Variants in SPATS2L observed in about 807,000 individuals in gnomAD.
SPATS2L encodes the protein spermatogenesis associated serine rich 2 like.
Under a neutral mutation model 59.6 loss-of-function variants are expected in SPATS2L, and 30 were observed. The observed-to-expected ratio is 0.50, with a 90% confidence interval of 0.38 to 0.68. SPATS2L has a LOEUF of 0.68. Among genes scored for constraint, SPATS2L ranks in the 30% least tolerant of loss-of-function variants. The probability of loss-of-function intolerance (pLI) is 0.00; values close to 1 mark genes in which losing one functional copy is unlikely to be tolerated. For missense variants in SPATS2L, 615 were observed against 700.0 expected, an observed-to-expected ratio of 0.88 and a Z score of 1.37; for synonymous variants, 252 against 263.5, an observed-to-expected ratio of 0.96 and a Z score of 0.42.
intron 6 of SPATS2L, among the ~76,000 whole-genome samples, chr2:200,420,141 C>T (rs917312133): frequency 1.3e-5 from 2 of 151,978 alleles, no homozygotes; most frequent in African/African-American, 4.8e-5. Context: ...TTCAAAAGGC[C>T]ACTTCCTAAT....
intron 2 of SPATS2L, among the ~76,000 whole-genome samples, chr2:200,344,493 C>G (rs1023903315): frequency 6.6e-6 from 1 of 152,092 alleles, no homozygotes; most frequent in Admixed American, 6.5e-5. Context: ...TAGGTTGATT[C>G]CATGTCTTTG....
intron 6 of SPATS2L, among the ~76,000 whole-genome samples, chr2:200,430,038 T>C (rs951468966): frequency 6.6e-6 from 1 of 152,198 alleles, no homozygotes; most frequent in Admixed American, 6.5e-5. Context: ...CAGTTACAGA[T>C]TTCAGAACAC....
rs561327157 is a variant in SPATS2L at position 200,463,003 on chromosome 2, C to T, written c.847+3176C>T. 9.9e-4 allele frequency among the ~76,000 whole-genome samples: 150 copies of T among 152,050 alleles called. 1 individual carries two copies. Among genetic ancestry groups the T allele is most frequent in the African/African-American group, 3.5e-3 (144 of 41,494 alleles). ...TGTAAAGATAAAATGAAAAAATACA[C>T]GTCAGGCACTTAGCACAGAGCCTGA... is the stretch of plus-strand genomic sequence containing the variant. On this transcript the variant is annotated intron_variant, in intron 9 of 12. Coordinates refer to ENST00000409140, the MANE Select transcript of SPATS2L (RefSeq NM_001100423.2).
chr2:200,457,221 CAT>C (rs1225086750), intron 8 of SPATS2L, among the ~76,000 whole-genome samples: 4 of 41,126 alleles, frequency 9.7e-5, no homozygotes, highest in African/African-American at 3.2e-4. Context: ...TGAAAACATA[CAT>C]ACACACACAC....
At chr2:200,398,711 T>C (rs1228433011) in intron 3 of SPATS2L, among the ~76,000 whole-genome samples, 2 of 152,164 alleles carry the variant, frequency 1.3e-5, no homozygotes, top group Non-Finnish European at 2.9e-5. Context: ...GCTCTATCAT[T>C]GGATGAACCT....
Position 200,306,850 on chromosome 2 carries a change from C to T in SPATS2L, c.-145C>T. On this transcript the variant is annotated 5_prime_UTR_variant, in exon 1 of 13. Coordinates refer to ENST00000409140, the MANE Select transcript of SPATS2L (RefSeq NM_001100423.2). ...GCCGCAGGGGCCGCCACCGCCGCGG[C>T]GCCTCCCCTGGCGACCGCGCCCCCG... 1.0e-6 allele frequency: 1 copy of T among 980,890 alleles called. No individual in the cohort carries two copies. Among genetic ancestry groups the T allele is most frequent in the Non-Finnish European group, 1.2e-6 (1 of 828,124 alleles). 60.8% of individuals were successfully genotyped at this position (980,890 alleles called of 1,614,324 possible). A position where few individuals can be genotyped will look rare whatever the true frequency, so the allele number is the denominator to read the frequency against.
chr2:200,422,158 T>G (rs758707289), intron 6 of SPATS2L, among the ~76,000 whole-genome samples: 6 of 152,234 alleles, frequency 3.9e-5, no homozygotes, highest in Non-Finnish European at 8.8e-5. Context: ...TTTTTAAGTA[T>G]AGCATGAAGG....
At chr2:200,312,767 AT>A (rs1415574259) in intron 1 of SPATS2L, among the ~76,000 whole-genome samples, 3 of 152,198 alleles carry the variant, frequency 2.0e-5, no homozygotes, top group Non-Finnish European at 4.4e-5. Context: ...GGATGCAAAC[AT>A]TAGGTGGCCA....
In SPATS2L at chr2:200,480,097, G is replaced by A. The variant is rs763538598; in HGVS notation, c.*2066G>A. 26 of 193,622 alleles carry A rather than the reference G, an allele frequency of 1.3e-4. No individual in the cohort carries two copies. The highest frequency in any genetic ancestry group is 2.2e-4 in the Non-Finnish European group (21 of 95,596). The allele number at this position is 193,622 out of a possible 1,614,324, so 12.0% of individuals were successfully genotyped here. A position where few individuals can be genotyped will look rare whatever the true frequency, so the allele number is the denominator to read the frequency against. ...GAAAAATGTCAGTGTAAATGTGACC[G>A]CTTTAAAGATGAGTCAAGTAATTCT... On this transcript the variant is annotated 3_prime_UTR_variant, in exon 13 of 13. Coordinates refer to ENST00000409140, the MANE Select transcript of SPATS2L (RefSeq NM_001100423.2).
At chr2:200,422,087 C>T (rs2083328736) in intron 6 of SPATS2L, among the ~76,000 whole-genome samples, 1 of 152,236 alleles carries the variant, frequency 6.6e-6, no homozygotes. Context: ...TTTGGAAACC[C>T]TCACATGAAA....
intron 6 of SPATS2L, among the ~76,000 whole-genome samples, chr2:200,422,018 C>T (rs533085730): frequency 6.6e-6 from 1 of 152,264 alleles, no homozygotes; most frequent in African/African-American, 2.4e-5. Context: ...GCCTCCCTTC[C>T]CAGTGGACAG....
At chr2:200,424,538 G>T (rs2083450115) in intron 6 of SPATS2L, among the ~76,000 whole-genome samples, 1 of 152,028 alleles carries the variant, frequency 6.6e-6, no homozygotes, top group African/African-American at 2.4e-5. Flanking sequence ...TAGTGCCAAG[G>T]ATAATACTTT....
chr2:200,478,178 T>C lies in SPATS2L; in HGVS notation c.*147T>C, dbSNP rs2087683793. ...TCTTAATCATTTTTACTAATTCTAA[T>C]AATCAGCTCTAGCTTGCTTCATAAT... On this transcript the variant is annotated 3_prime_UTR_variant, in exon 13 of 13. Coordinates refer to ENST00000409140, the MANE Select transcript of SPATS2L (RefSeq NM_001100423.2). The C allele has an allele frequency of 6.7e-6, 5 of 742,062 alleles. No individual in the cohort carries two copies. Among genetic ancestry groups the C allele is most frequent in the African/African-American group, 1.8e-5 (1 of 55,370 alleles). 46.0% of individuals were successfully genotyped at this position (742,062 alleles called of 1,614,324 possible). A position where few individuals can be genotyped will look rare whatever the true frequency, so the allele number is the denominator to read the frequency against.
At chr2:200,383,759 A>G (rs1482476039) in intron 2 of SPATS2L, 2 of 368,868 alleles carry the variant, frequency 5.4e-6, no homozygotes, top group Non-Finnish European at 7.7e-6. Flanking sequence ...TATGATTTCT[A>G]TGTTTTTACA....
intron 7 of SPATS2L, 46 bp downstream of exon 7, chr2:200,439,374 T>C: frequency 6.6e-7 from 1 of 1,503,852 alleles, no homozygotes; most frequent in Non-Finnish European, 9.2e-7. Context: ...ATTTTGCACA[T>C]ACAGAAAAGT....
In SPATS2L at chr2:200,469,955, A is replaced by G; in HGVS notation, c.999A>G (p.Lys333=). The change falls in exon 11 of 13, where the codon AAA becomes AAG. Residue 333 remains lysine, a synonymous_variant. Coordinates refer to ENST00000409140, the MANE Select transcript of SPATS2L (RefSeq NM_001100423.2). Reference sequence around the variant, plus strand: ...GTAAATATGACGAGGAGCTCGGGAAAGCTGCCCGGTTTTCCTGTGACATCG... The same window carrying G: ...GTAAATATGACGAGGAGCTCGGGAAGGCTGCCCGGTTTTCCTGTGACATCG... ...SERKYDEELG[K]AARFSCDIEQ... 1 of 1,612,454 alleles carries G rather than the reference A, an allele frequency of 6.2e-7. No individual in the cohort carries two copies. Among genetic ancestry groups the G allele is most frequent in the Non-Finnish European group, 8.5e-7 (1 of 1,179,256 alleles).
At position 200,439,164 on chromosome 2, in the gene SPATS2L, AC is replaced by A; in HGVS notation, c.492del (p.Lys165AsnfsTer44). On this transcript the variant is annotated frameshift_variant, in exon 7 of 13. Transcript: ENST00000409140. LOFTEE classifies it high-confidence loss of function. Reference protein sequence around the residue: ...LLQQKLSLDGNPKPIHGTTER... With the variant: ...LLQQKLSLDGXPKPIHGTTER... Reference sequence around the variant, plus strand: ...CAACAGAAACTATCCTTAGATGGGAACCCCAAACCTATACATGGAACAACAG... The same window carrying A: ...CAACAGAAACTATCCTTAGATGGGAACCCAAACCTATACATGGAACAACAG... The A allele has an allele frequency of 6.2e-7, 1 of 1,613,728 alleles. No individual in the cohort carries two copies. The highest frequency in any genetic ancestry group is 8.5e-7 in the Non-Finnish European group (1 of 1,179,718).
At chr2:200,408,027 A>T (rs1309500314) in intron 3 of SPATS2L, among the ~76,000 whole-genome samples, 1 of 152,198 alleles carries the variant, frequency 6.6e-6, no homozygotes, top group Admixed American at 6.5e-5. Flanking sequence ...ACCATCTGGG[A>T]GACACGACAC....
intron 6 of SPATS2L, among the ~76,000 whole-genome samples, chr2:200,436,548 G>T (rs1363381444): frequency 6.6e-6 from 1 of 152,250 alleles, no homozygotes; most frequent in South Asian, 2.1e-4. Context: ...ATGTTGAAAC[G>T]AACCAGTAGA....
Sources: allele counts gnomAD v4.1 joint callset (sites outside exome capture counted in the v4.1 genomes callset), GRCh38; gene constraint gnomAD v4.1.1; transcripts MANE v1.5; gene names NCBI Gene and HGNC (gene_info 2026-07-23, HGNC 2026-07-21).